The following MCTP1 variants were observed in gnomAD, a reference collection of about 807,000 sequenced individuals.
MCTP1 encodes multiple C2 and transmembrane domain containing 1, also known as multiple C2 and transmembrane domain-containing protein 1.
MCTP1 carries 69 observed loss-of-function variants against 120.6 expected under a neutral mutation model. That is an observed-to-expected ratio of 0.57 (90% CI 0.47 to 0.70). MCTP1 has a LOEUF of 0.70. MCTP1 is among the 30% of genes least tolerant of loss of function. MCTP1 has a pLI of 0.00. For missense variants in MCTP1, 1,203 were observed against 1,248.8 expected (o/e 0.96, Z 0.55); for synonymous variants, 529 against 493.1 (o/e 1.07, Z -0.96).
At chr5:95,070,281 A>T (rs72779415) in intron 1 of MCTP1, among the ~76,000 whole-genome samples, 7,078 of 152,322 alleles carry the variant, frequency 0.046, 210 homozygotes, top group Middle Eastern at 0.075. Flanking sequence ...CAGGAGCTGC[A>T]GTGTTGCTGC....
At chr5:94,889,037 G>C in intron 11 of MCTP1, 65 bp from the exon 12 acceptor site, 1 of 1,050,086 alleles carries the variant, frequency 9.5e-7, no homozygotes, top group Non-Finnish European at 1.5e-6. Context: ...AGTGTGCTGA[G>C]AAAACATTAC....
At chr5:95,228,714 T>C (rs116252609) in intron 1 of MCTP1, among the ~76,000 whole-genome samples, 110 of 152,286 alleles carry the variant, frequency 7.2e-4, no homozygotes, top group African/African-American at 2.6e-3. Context: ...ATAAGTGGTT[T>C]AGCACCATCC....
At chr5:94,966,347 G>A (rs1189473000) in intron 2 of MCTP1, among the ~76,000 whole-genome samples, 1 of 152,090 alleles carries the variant, frequency 6.6e-6, no homozygotes, top group Non-Finnish European at 1.5e-5. Flanking sequence ...GCAATACTAC[G>A]TATAATACCA....
chr5:95,133,660 A>T (rs1759225552), intron 1 of MCTP1, among the ~76,000 whole-genome samples: 1 of 152,260 alleles, frequency 6.6e-6, no homozygotes, highest in African/African-American at 2.4e-5. Context: ...ATCTCAAAAA[A>T]TAAATAAATA....
In MCTP1 at chr5:95,284,275, A is replaced by C. The variant is rs750866641; in HGVS notation, c.301T>G (p.Cys101Gly). The C allele has an allele frequency of 6.3e-7, 1 of 1,595,450 alleles. No homozygotes were observed. The highest frequency in any genetic ancestry group is 1.1e-5 in the South Asian group (1 of 90,676). Residue 101 changes from cysteine (C) to glycine (G), a missense_variant, in exon 1 of 23, where the codon TGC (cysteine) becomes GGC (glycine). Cys to Gly is a radical substitution (Grantham distance 159). Transcript: ENST00000515393. This position sits in a 1 kb window ranked among gnomAD's most constrained non-coding sequence, Gnocchi z 5.2. ...VFSSSQPNLC[C>G]SSPEPLEPGG... ...GGCTCCAGGGGCTCCGGCGACGAGC[A>C]GCACAGGTTGGGCTGCGAGGAGGAG...
Position 94,799,051 on chromosome 5 carries a change from A to C in MCTP1, c.2518T>G (p.Leu840Val). Residue 840 changes from leucine (L) to valine (V), a missense_variant, in exon 18 of 23, where the codon TTG becomes GTG. Physicochemically the swap from Leu to Val is conservative, Grantham distance 32. Around this residue, in one of 2 missense-constraint regions of MCTP1, gnomAD observed 740 missense variants for 871.1 expected, o/e 0.85. Coordinates refer to ENST00000515393, the MANE Select transcript of MCTP1 (RefSeq NM_024717.7). ...LLLLLTWNYF[L>V]IISGKDNRQR... ...CTGTTATCTTTCCCTGATATTATCA[A>C]GAAGTAGTTCCATGTCAATAGTAAC... The C allele has an allele frequency of 6.2e-7, 1 of 1,612,258 alleles. No homozygotes were observed. Among genetic ancestry groups the C allele is most frequent in the Non-Finnish European group, 8.5e-7 (1 of 1,178,724 alleles).
chr5:95,017,533 A>AC, intron 1 of MCTP1, 49 bp from the exon 2 acceptor site: 1 of 1,301,458 alleles, frequency 7.7e-7, no homozygotes. Context: ...TCTCTGTTCT[A>AC]TTTTCTCTAA....
At position 94,704,299 on chromosome 5, in the gene MCTP1, A is replaced by G. The variant is rs1255112032; in HGVS notation, c.*3197T>C. 2 of 151,646 alleles carry G rather than the reference A, an allele frequency of 1.3e-5. No homozygotes were observed. The highest frequency in any genetic ancestry group is 2.1e-4 in the South Asian group (1 of 4,828). The allele number at this position is 151,646 out of a possible 1,614,324, so 9.4% of individuals were successfully genotyped here. On this transcript the variant is annotated 3_prime_UTR_variant, in exon 23 of 23. Transcript: ENST00000515393. The stretch of plus-strand genomic sequence containing the variant: ...ATACCTGAGACGTTTTTCAAGAAGT[A>G]TAATGGTAGCTGTCTTTACTTGTAT...
At chr5:95,208,398 A>AT (rs1582533374) in intron 1 of MCTP1, among the ~76,000 whole-genome samples, 1 of 152,142 alleles carries the variant, frequency 6.6e-6, no homozygotes, top group Non-Finnish European at 1.5e-5. Flanking sequence ...GCCAACTGCC[A>AT]TTTTTTAATT....
intron 2 of MCTP1, among the ~76,000 whole-genome samples, chr5:95,003,385 G>C (rs1834094757): frequency 6.6e-6 from 1 of 151,982 alleles, no homozygotes; most frequent in South Asian, 2.1e-4. Context: ...AAGAGCAATG[G>C]GCTATAGCAT....
At chr5:94,914,310 G>A (rs1581329097) in intron 8 of MCTP1, among the ~76,000 whole-genome samples, 1 of 152,170 alleles carries the variant, frequency 6.6e-6, no homozygotes, top group South Asian at 2.1e-4. Context: ...TATCTGATCC[G>A]TTCTACGTTA....
chr5:95,053,534 T>G (rs1463883602), intron 1 of MCTP1, among the ~76,000 whole-genome samples: 2 of 152,146 alleles, frequency 1.3e-5, no homozygotes, highest in African/African-American at 4.8e-5. Flanking sequence ...CCACGACTAT[T>G]GAGAGACCAC....
At position 95,078,031 on chromosome 5, in the gene MCTP1, T is replaced by TCCATCCATGTATCTGTCTATCC. The variant is rs1293450492; in HGVS notation, c.721-60548_721-60547insGGATAGACAGATACATGGATGG. 7.9e-3 allele frequency among the ~76,000 whole-genome samples: 1,109 copies of TCCATCCATGTATCTGTCTATCC among 139,518 alleles called. 20 individuals carry two copies. Among genetic ancestry groups the TCCATCCATGTATCTGTCTATCC allele is most frequent in the African/African-American group, 0.028 (1,053 of 37,836 alleles). 91.5% of individuals were successfully genotyped at this position (139,518 alleles called of 152,430 possible). A position where few individuals can be genotyped will look rare whatever the true frequency, so the allele number is the denominator to read the frequency against. ...CCTTCATTTATCCCTATCATCCATC[T>TCCATCCATGTATCTGTCTATCC]ATCCATCCATCCATCCATCCATCCA... On this transcript the variant is annotated intron_variant, in intron 1 of 22. Transcript: ENST00000515393.
At chr5:94,807,733 C>T (rs1046724023) in intron 17 of MCTP1, among the ~76,000 whole-genome samples, 3 of 151,936 alleles carry the variant, frequency 2.0e-5, no homozygotes, top group South Asian at 4.1e-4. Context: ...GGGCATTTGG[C>T]GGGTGAAGCC....
chr5:95,158,292 A>T (rs546486719), intron 1 of MCTP1, among the ~76,000 whole-genome samples: 1 of 152,314 alleles, frequency 6.6e-6, no homozygotes, highest in African/African-American at 2.4e-5. Flanking sequence ...GATTTTAGTC[A>T]CAAAACATTT....
At chr5:95,077,043 T>A (rs1753749195) in intron 1 of MCTP1, among the ~76,000 whole-genome samples, 1 of 152,216 alleles carries the variant, frequency 6.6e-6, no homozygotes. Context: ...ACCTTCCTTA[T>A]TTTGGAAATG....
At chr5:94,765,271 A>G (rs1018196235) in intron 19 of MCTP1, among the ~76,000 whole-genome samples, 3 of 152,244 alleles carry the variant, frequency 2.0e-5, no homozygotes, top group African/African-American at 7.2e-5. Context: ...ATTTATAGAA[A>G]TAAATGCCAA....
chr5:95,121,720 G>A (rs959454366), intron 1 of MCTP1, among the ~76,000 whole-genome samples: 2 of 151,766 alleles, frequency 1.3e-5, no homozygotes, highest in African/African-American at 4.8e-5. Flanking sequence ...GAACAAAACT[G>A]GAAGAATCGT....
chr5:94,751,650 G>GCCCTGACAGCTGTGTACAGAATGCAC (rs1258042972), intron 19 of MCTP1, among the ~76,000 whole-genome samples: 3 of 152,112 alleles, frequency 2.0e-5, no homozygotes, highest in African/African-American at 7.2e-5. Flanking sequence ...AAAGCGTACA[G>GCCCTGACAGCTGTGTACAGAATGCAC]AGCCCTGACA....
Sources: allele counts gnomAD v4.1 joint callset (sites outside exome capture counted in the v4.1 genomes callset), GRCh38; gene constraint gnomAD v4.1.1; regional missense constraint gnomAD v4.1.1; non-coding constraint Gnocchi (gnomAD v3.1); transcripts MANE v1.5; gene names NCBI Gene and HGNC (gene_info 2026-07-23, HGNC 2026-07-21).